The following TBC1D2 variants were observed in gnomAD, a reference collection of about 807,000 sequenced individuals.
TBC1D2 encodes TBC1 domain family member 2, also known as TBC1 domain family member 2A.
In TBC1D2, 58 loss-of-function variants were observed where a neutral mutation model predicts 91.1. The observed-to-expected ratio is 0.64, with a 90% CI of 0.52 to 0.79. The LOEUF is 0.79. TBC1D2 is among the 30% of genes least tolerant of loss of function. TBC1D2 has a pLI of 0.00. For missense variants in TBC1D2, 1,080 were observed against 1,208.3 expected (o/e 0.89, Z 1.57); for synonymous variants, 482 against 511.5 (o/e 0.94, Z 0.78).
intron 2 of TBC1D2, 57 bp from the exon 3 acceptor site, chr9:98,244,186 G>A (rs1829714759): frequency 1.2e-6 from 2 of 1,601,466 alleles, no homozygotes; most frequent in Admixed American, 1.7e-5. Context: ...GGAAAGACAG[G>A]TCAGGTGGGA....
chr9:98,220,786 G>A lies in TBC1D2; in HGVS notation c.1374+47C>T, dbSNP rs770671039. 5.1e-5 allele frequency: 81 copies of A among 1,601,220 alleles called. 1 individual carries two copies. The highest frequency in any genetic ancestry group is 2.7e-4 in the South Asian group (24 of 89,678). Reference sequence around the variant, plus strand: ...GAGAGCGCACCTTCCCTGAGGGCTGGGACAGAGGACCGGCAGGACTGGCAG... The same window carrying A: ...GAGAGCGCACCTTCCCTGAGGGCTGAGACAGAGGACCGGCAGGACTGGCAG... On this transcript the variant is annotated intron_variant, in intron 6 of 12. Transcript: ENST00000465784.
At chr9:98,215,558 A>G (rs1279661907) in intron 6 of TBC1D2, among the ~76,000 whole-genome samples, 1 of 152,170 alleles carries the variant, frequency 6.6e-6, no homozygotes, top group Non-Finnish European at 1.5e-5. Context: ...CCCAAGCTGG[A>G]GTACAGTGGC....
intron 5 of TBC1D2, among the ~76,000 whole-genome samples, chr9:98,226,407 A>C (rs957529798): frequency 6.6e-6 from 1 of 152,184 alleles, no homozygotes; most frequent in Non-Finnish European, 1.5e-5. Context: ...GAACAACCAG[A>C]GCCTGCATCT....
intron 6 of TBC1D2, among the ~76,000 whole-genome samples, chr9:98,215,730 T>C (rs1828954414): frequency 6.6e-6 from 1 of 152,188 alleles, no homozygotes; most frequent in Non-Finnish European, 1.5e-5. Context: ...GTTTTCAAAC[T>C]CCTGGCCTCA....
chr9:98,243,982 A>G lies in TBC1D2; in HGVS notation c.647+12T>C. The G allele has an allele frequency of 6.3e-7, 1 of 1,595,630 alleles. No homozygotes were observed. The highest frequency in any genetic ancestry group is 8.5e-7 in the Non-Finnish European group (1 of 1,171,222). ...GCAGCTTGGCTAGCCCCTCAGCTCC[A>G]CTGGCACTTACTGTATTTCAGTCCC... On this transcript the variant is annotated intron_variant, in intron 3 of 12. Transcript: ENST00000465784.
intron 8 of TBC1D2, among the ~76,000 whole-genome samples, chr9:98,209,940 CACCT>C (rs371382503): frequency 0.072 from 10,905 of 151,476 alleles, 448 homozygotes; most frequent in East Asian, 0.14. Context: ...GTGATCCTCC[CACCT>C]CAGCCTTCCG....
At chr9:98,245,138 G>T (rs950448056) in intron 2 of TBC1D2, among the ~76,000 whole-genome samples, 1 of 152,186 alleles carries the variant, frequency 6.6e-6, no homozygotes, top group East Asian at 1.9e-4. Flanking sequence ...TACTTGGGAG[G>T]CTGAGGCAGG....
chr9:98,215,971 C>T (rs1828958976), intron 6 of TBC1D2, among the ~76,000 whole-genome samples: 1 of 152,198 alleles, frequency 6.6e-6, no homozygotes, highest in Non-Finnish European at 1.5e-5. Flanking sequence ...TGTGACCTCT[C>T]CTACCCATCA....
chr9:98,208,820 A>C lies in TBC1D2; in HGVS notation c.1998T>G (p.Ala666=), dbSNP rs756602373. 1 of 1,605,740 alleles carries C rather than the reference A, an allele frequency of 6.2e-7. No individual in the cohort carries two copies. The highest frequency in any genetic ancestry group is 8.5e-7 in the Non-Finnish European group (1 of 1,173,560). The change falls in exon 9 of 13, where the codon GCT becomes GCG. Residue 666 remains alanine (A), a synonymous_variant. Transcript: ENST00000465784. The part of the protein sequence containing the change: ...LSRGQAREHP[A]ARQIELDLNR... ...TCAGGTCCAGCTCAATCTGGCGGGC[A>C]GCAGGGTGCTCGCGGGCCTGGCCCC...
At chr9:98,234,692 G>C (rs2119146978) in intron 3 of TBC1D2, 1 of 152,270 alleles carries the variant, frequency 6.6e-6, no homozygotes, top group East Asian at 1.9e-4. Flanking sequence ...CATCCATCCT[G>C]TCTCCCAGTG....
chr9:98,200,553 CGGCGGGGTGGTGGGGG>C (rs966322387), intron 11 of TBC1D2, among the ~76,000 whole-genome samples, 179 bp from the exon 12 acceptor site: 10 of 17,536 alleles, frequency 5.7e-4, no homozygotes, highest in African/African-American at 2.4e-3. Context: ...CTGAATACCC[CGGCGGGGTGGTGGGGG>C]GGCGGGGGAA....
intron 3 of TBC1D2, among the ~76,000 whole-genome samples, chr9:98,243,027 G>T (rs1216667519): frequency 6.6e-6 from 1 of 151,664 alleles, no homozygotes; most frequent in East Asian, 1.9e-4. Context: ...TGATCCTCCT[G>T]TCTTGGCCTC....
chr9:98,222,555 T>A (rs1300672443), intron 5 of TBC1D2, among the ~76,000 whole-genome samples: 1 of 152,250 alleles, frequency 6.6e-6, no homozygotes, highest in Non-Finnish European at 1.5e-5. Flanking sequence ...CCCTGTGCCT[T>A]TAAGCCTGTA....
chr9:98,241,463 C>T (rs1380174839), intron 3 of TBC1D2, among the ~76,000 whole-genome samples: 4 of 152,220 alleles, frequency 2.6e-5, no homozygotes, highest in Non-Finnish European at 5.9e-5. Flanking sequence ...GCTCTCATCT[C>T]ACCAAGTAGT....
chr9:98,225,812 G>A (rs1276851565), intron 5 of TBC1D2, among the ~76,000 whole-genome samples: 1 of 152,224 alleles, frequency 6.6e-6, no homozygotes, highest in Non-Finnish European at 1.5e-5. Context: ...GCAGGGATTT[G>A]TCTGCAATGT....
chr9:98,242,922 G>C lies in TBC1D2; in HGVS notation c.647+1072C>G, dbSNP rs180912894. 5.3e-4 allele frequency among the ~76,000 whole-genome samples: 79 copies of C among 148,204 alleles called. 2 individuals carry two copies. Among genetic ancestry groups the C allele is most frequent in the Admixed American group, 4.6e-3 (68 of 14,794 alleles). The stretch of plus-strand genomic sequence containing the variant: ...TGACTTCCTGGGCTTGGGATTACAG[G>C]CACATGCCACTATGCCTGGCTAACT... On this transcript the variant is annotated intron_variant, in intron 3 of 12. Transcript: ENST00000465784.
At chr9:98,210,494 G>T (rs766381071) in intron 8 of TBC1D2, among the ~76,000 whole-genome samples, 162 bp downstream of exon 8, 8 of 152,240 alleles carry the variant, frequency 5.3e-5, no homozygotes, top group Non-Finnish European at 7.3e-5. Context: ...CCTCCTCTGA[G>T]CGTGAACCAT....
intron 10 of TBC1D2, among the ~76,000 whole-genome samples, chr9:98,202,974 G>A (rs771990412): frequency 2.0e-5 from 3 of 152,378 alleles, no homozygotes; most frequent in East Asian, 1.9e-4. Context: ...TGCTGGAGGC[G>A]ATGCAGCCAT....
intron 2 of TBC1D2, among the ~76,000 whole-genome samples, chr9:98,247,791 A>G (rs1829797924): frequency 6.6e-6 from 1 of 151,962 alleles, no homozygotes; most frequent in Non-Finnish European, 1.5e-5. Context: ...CTTTCAAAGT[A>G]ACCTTTAAGC....
Sources: allele counts gnomAD v4.1 joint callset (sites outside exome capture counted in the v4.1 genomes callset), GRCh38; gene constraint gnomAD v4.1.1; transcripts MANE v1.5; gene names NCBI Gene and HGNC (gene_info 2026-07-23, HGNC 2026-07-21).